Variants in SLC13A3 observed in about 807,000 individuals in gnomAD.
SLC13A3 encodes Na(+)/dicarboxylate cotransporter 3.
In SLC13A3, 40 loss-of-function variants were observed where a neutral mutation model predicts 59.0. That is an observed-to-expected ratio of 0.68 (90% CI 0.53 to 0.88). The LOEUF (loss-of-function observed/expected upper bound fraction) is 0.88. Among genes scored for constraint, SLC13A3 ranks in the 40% least tolerant of loss-of-function variants. The pLI is 0.00. For missense variants in SLC13A3, 699 were observed against 783.2 expected (o/e 0.89, Z 1.28); for synonymous variants, 317 against 330.3 (o/e 0.96, Z 0.44).
rs144021264 is a variant in SLC13A3 at position 46,613,636 on chromosome 20, G to A, written c.201C>T (p.Ile67=). The A allele has an allele frequency of 1.1e-5, 17 of 1,612,114 alleles. 1 individual carries two copies. Among genetic ancestry groups the A allele is most frequent in the South Asian group, 5.5e-5 (5 of 90,706 alleles). ...LPLSVTALLP[I]VLFPFMGILP... is the part of the protein sequence containing the mutation. ...AGATGCCCATGAAGGGGAAGAGGACGATGGGCAGCAGCGCCGTCACTGAGA... is the reference window on the plus strand; with the variant it reads ...AGATGCCCATGAAGGGGAAGAGGACAATGGGCAGCAGCGCCGTCACTGAGA... The change falls in exon 2 of 13, where the codon ATC becomes ATT. Residue 67 remains isoleucine, a synonymous_variant. Transcript: ENST00000279027.
upstream of SLC13A3, among the ~76,000 whole-genome samples, chr20:46,674,921 C>T: frequency 6.6e-6 from 1 of 152,034 alleles, no homozygotes. Context: ...AGGAATGAAG[C>T]TGGGCAGTCG....
At chr20:46,598,422 C>T (rs1486283958) in intron 4 of SLC13A3, among the ~76,000 whole-genome samples, 11 of 152,290 alleles carry the variant, frequency 7.2e-5, no homozygotes, top group Admixed American at 7.2e-4. Context: ...CTAGAGCAAA[C>T]ACTTTTTTGT....
Position 46,578,352 on chromosome 20 carries a change from T to C in SLC13A3, c.1220-2667A>G, listed in dbSNP as rs184263185. Among the ~76,000 whole-genome samples the C allele has an allele frequency of 2.6e-3, 397 of 152,264 alleles. 2 individuals are homozygous for C. Among genetic ancestry groups the C allele is most frequent in the Non-Finnish European group, 3.3e-3 (226 of 68,032 alleles). On this transcript the variant is annotated intron_variant, in intron 9 of 12. Coordinates refer to ENST00000279027, the MANE Select transcript of SLC13A3 (RefSeq NM_022829.6). The stretch of plus-strand genomic sequence containing the variant: ...AAAATTTGTCTCCTTGGAGAACTTA[T>C]ATTCCAGGGGGGAAGTCAGGTGATA...
At chr20:46,630,965 T>G (rs1404626482) in intron 1 of SLC13A3, among the ~76,000 whole-genome samples, 1 of 152,234 alleles carries the variant, frequency 6.6e-6, no homozygotes, top group Admixed American at 6.5e-5. Flanking sequence ...GACCCAGTGA[T>G]TGATACATAC....
At chr20:46,590,223 A>T (rs1156384463) in intron 6 of SLC13A3, among the ~76,000 whole-genome samples, 4 of 152,218 alleles carry the variant, frequency 2.6e-5, no homozygotes, top group Non-Finnish European at 5.9e-5. Context: ...GTAAAAAAAA[A>T]TAATAATACT....
intron 1 of SLC13A3, among the ~76,000 whole-genome samples, chr20:46,616,134 C>T (rs941853547): frequency 4.6e-5 from 7 of 152,190 alleles, no homozygotes; most frequent in African/African-American, 1.7e-4. Context: ...TTGTCATCAT[C>T]CTTTCAGTTT....
intron 8 of SLC13A3, among the ~76,000 whole-genome samples, chr20:46,587,343 G>A (rs2062204662): frequency 6.6e-6 from 1 of 152,078 alleles, no homozygotes; most frequent in Admixed American, 6.6e-5. Context: ...ACCCTCCAAT[G>A]GCTGCCCACT....
upstream of SLC13A3, among the ~76,000 whole-genome samples, chr20:46,652,633 A>G (rs2062959932): frequency 1.3e-5 from 2 of 148,246 alleles, no homozygotes; most frequent in South Asian, 4.2e-4. Flanking sequence ...TGGCCTCATG[A>G]TCCGCCCATC....
At chr20:46,601,081 A>G (rs2062375816) in intron 3 of SLC13A3, among the ~76,000 whole-genome samples, 1 of 151,930 alleles carries the variant, frequency 6.6e-6, no homozygotes, top group Admixed American at 6.6e-5. Context: ...GAGGAAGCCC[A>G]TGTGCTGGGA....
At chr20:46,566,610 A>G (rs892659761) in intron 10 of SLC13A3, 8 of 451,522 alleles carry the variant, frequency 1.8e-5, no homozygotes, top group Non-Finnish European at 2.7e-5. Context: ...TCTCCACTCT[A>G]TCTCATACAG....
At chr20:46,653,080 T>C (rs1030602314), upstream of SLC13A3, among the ~76,000 whole-genome samples, 1 of 152,230 alleles carries the variant, frequency 6.6e-6, no homozygotes, top group African/African-American at 2.4e-5. Flanking sequence ...TCCTGTCATT[T>C]GCCTGTTTTC....
rs753449709 is a variant in SLC13A3, at chr20:46,563,492, G to C, written c.1554C>G (p.Ser518=). ...TTGAGACCGGGAGCATGAAGGCAAA[G>C]GAGCAGCCGACTGTGCCCGGAATCA... ...YLMIPGTVGC[S]FAFMLPVSTP... is the part of the protein sequence containing the mutation. Residue 518 remains serine, a synonymous_variant, in exon 12 of 13, where the codon TCC becomes TCG. Transcript: ENST00000279027. 12 of 1,614,024 alleles carry C rather than the reference G, an allele frequency of 7.4e-6. No individual in the cohort carries two copies. The highest frequency in any genetic ancestry group is 1.0e-5 in the Non-Finnish European group (12 of 1,180,028).
intron 1 of SLC13A3, among the ~76,000 whole-genome samples, 198 bp downstream of exon 1, chr20:46,651,113 T>G (rs898798197): frequency 6.6e-6 from 1 of 151,946 alleles, no homozygotes; most frequent in South Asian, 2.1e-4. Context: ...GGACTCAAGC[T>G]CTAAGGAGCA....
At chr20:46,572,781 G>A (rs945291797) in intron 10 of SLC13A3, among the ~76,000 whole-genome samples, 10 of 152,158 alleles carry the variant, frequency 6.6e-5, no homozygotes, top group African/African-American at 2.4e-4. Flanking sequence ...TTACAGATGA[G>A]GAAACTGAGG....
rs1023415095 is a variant in SLC13A3, at chr20:46,651,426, G to A, written c.-5C>T. 52 of 1,478,966 alleles carry A rather than the reference G, an allele frequency of 3.5e-5. No homozygotes were observed. Among genetic ancestry groups the A allele is most frequent in the Non-Finnish European group, 4.4e-5 (49 of 1,121,630 alleles). 91.6% of individuals were successfully genotyped at this position (1,478,966 alleles called of 1,614,324 possible). On this transcript the variant is annotated 5_prime_UTR_variant, in exon 1 of 13. Coordinates refer to ENST00000279027, the MANE Select transcript of SLC13A3 (RefSeq NM_022829.6). ...CGCTGCTGCCAGCGCCGCCATCAGC[G>A]CGATCGCCTGGCGGTACGGGCCGGC...
intron 3 of SLC13A3, chr20:46,600,716 C>T: frequency 3.2e-6 from 1 of 310,186 alleles, no homozygotes; most frequent in Non-Finnish European, 7.4e-6. Flanking sequence ...CTACTATGTG[C>T]TATTGACTAT....
intron 1 of SLC13A3, among the ~76,000 whole-genome samples, chr20:46,648,735 T>C (rs1230722009): frequency 6.6e-6 from 1 of 151,930 alleles, no homozygotes; most frequent in Non-Finnish European, 1.5e-5. Context: ...TGAAACCCCG[T>C]CTCTACTAAA....
chr20:46,624,924 A>T (rs2062652947), intron 1 of SLC13A3, among the ~76,000 whole-genome samples: 1 of 152,054 alleles, frequency 6.6e-6, no homozygotes, highest in African/African-American at 2.4e-5. Context: ...CTAGAGGGGG[A>T]GCAGCCAGGG....
upstream of SLC13A3, among the ~76,000 whole-genome samples, chr20:46,674,598 CGCGCGCGTGT>C (rs1482924829): frequency 1.1e-3 from 63 of 55,970 alleles, no homozygotes; most frequent in African/African-American, 3.4e-3. Context: ...TGCGCGCGCG[CGCGCGCGTGT>C]GTGTGTGTGT....
Sources: gnomAD v4.1 joint callset for allele counts (sites outside exome capture counted in the v4.1 genomes callset) on GRCh38, gnomAD v4.1.1 for gene constraint, MANE v1.5 for transcripts, NCBI Gene and HGNC (gene_info 2026-07-23, HGNC 2026-07-21) for gene names.